LRRN2: variants seen among roughly 807,000 people sequenced by gnomAD.
The protein encoded by LRRN2 is leucine-rich repeat neuronal protein 2.
LRRN2 carries 10 observed loss-of-function variants against 35.7 expected under a neutral mutation model. The observed-to-expected ratio is 0.28, with a 90% CI of 0.17 to 0.47. The LOEUF is 0.47. LRRN2 is among the 20% of genes least tolerant of loss of function. The pLI is 0.99. For synonymous variants in LRRN2, 391 were observed against 409.6 expected (o/e 0.95, Z 0.55); for missense variants, 731 against 940.3 (o/e 0.78, Z 2.91).
At chr1:204,656,455 A>G (rs371625484) in intron 1 of LRRN2, among the ~76,000 whole-genome samples, 3 of 152,274 alleles carry the variant, frequency 2.0e-5, no homozygotes, top group South Asian at 4.2e-4. Context: ...TATTCTTAAC[A>G]ATTTGTCTCT....
intron 1 of LRRN2, among the ~76,000 whole-genome samples, chr1:204,674,888 G>A (rs1021880287): frequency 8.5e-5 from 13 of 152,218 alleles, no homozygotes; most frequent in South Asian, 2.1e-4. Flanking sequence ...TGCTCACGTC[G>A]CCTCTGCCCA....
rs77261811 is a variant in LRRN2 at position 204,633,750 on chromosome 1, C to T, written c.-226-13532G>A. ...ATCCCACATCACCCTCTCCAGTCCC[C>T]GCTGCCCAGCTCTCCTTCCACTTCC... On this transcript the variant is annotated intron_variant, in intron 1 of 1. Coordinates refer to ENST00000367177, the MANE Select transcript of LRRN2 (RefSeq NM_201630.2). Among the ~76,000 whole-genome samples, 1,088 of 152,326 alleles carry T rather than the reference C, an allele frequency of 7.1e-3. 15 individuals are homozygous for T. The highest frequency in any genetic ancestry group is 0.021 in the African/African-American group (859 of 41,556).
At chr1:204,623,218 C>T (rs1185886784) in intron 1 of LRRN2, among the ~76,000 whole-genome samples, 1 of 152,158 alleles carries the variant, frequency 6.6e-6, no homozygotes, top group Non-Finnish European at 1.5e-5. Context: ...ACCTTTAGAC[C>T]CTACCCGAGT....
At position 204,672,237 on chromosome 1, in the gene LRRN2, G is replaced by A. The variant is rs80336170; in HGVS notation, c.-227+13083C>T. Among the ~76,000 whole-genome samples the A allele has an allele frequency of 3.4e-4, 52 of 152,330 alleles. 1 individual carries two copies. Among genetic ancestry groups the A allele is most frequent in the Non-Finnish European group, 4.6e-4 (31 of 68,040 alleles). On this transcript the variant is annotated intron_variant, in intron 1 of 1. Transcript: ENST00000367177. ...GAAGAGGTAGTAGGTATAGCACAAA[G>A]CCAGAAGTTAGGAGCTTTCTGTCTA...
At chr1:204,663,625 C>T (rs1419869467) in intron 1 of LRRN2, among the ~76,000 whole-genome samples, 1 of 152,134 alleles carries the variant, frequency 6.6e-6, no homozygotes, top group African/African-American at 2.4e-5. Context: ...CTAATTAGAC[C>T]AGCAAATCAG....
intron 1 of LRRN2, among the ~76,000 whole-genome samples, chr1:204,637,126 C>T (rs1186350567): frequency 6.6e-6 from 1 of 152,108 alleles, no homozygotes; most frequent in Non-Finnish European, 1.5e-5. Context: ...ATTCCCTTTA[C>T]TGTGCGGTAT....
chr1:204,657,341 T>TACAC (rs34779515), intron 1 of LRRN2, among the ~76,000 whole-genome samples: 1,867 of 147,048 alleles, frequency 0.013, 39 homozygotes, highest in Admixed American at 0.037. Context: ...TATGTATATA[T>TACAC]ACACACACAC....
At chr1:204,638,965 G>C (rs1459562205) in intron 1 of LRRN2, among the ~76,000 whole-genome samples, 1 of 152,248 alleles carries the variant, frequency 6.6e-6, no homozygotes, top group Non-Finnish European at 1.5e-5. Flanking sequence ...CCTGCCCTGA[G>C]ATGGCCATCG....
At chr1:204,667,768 G>T (rs546620386) in intron 1 of LRRN2, among the ~76,000 whole-genome samples, 3 of 152,260 alleles carry the variant, frequency 2.0e-5, no homozygotes, top group African/African-American at 7.2e-5. Flanking sequence ...GGGCACCCAG[G>T]CAGAAGGAAC....
chr1:204,657,826 G>A (rs962721211), intron 1 of LRRN2, among the ~76,000 whole-genome samples: 4 of 152,088 alleles, frequency 2.6e-5, no homozygotes, highest in Admixed American at 2.6e-4. Flanking sequence ...ATAAATTGAG[G>A]TGGTGATGAT....
intron 1 of LRRN2, among the ~76,000 whole-genome samples, chr1:204,681,733 C>T (rs1490029844): frequency 4.6e-5 from 7 of 152,206 alleles, no homozygotes; most frequent in African/African-American, 1.7e-4. Context: ...AAATTTCAGC[C>T]TCTGAGCTGT....
chr1:204,662,696 T>C (rs1668496438), intron 1 of LRRN2, among the ~76,000 whole-genome samples: 1 of 152,240 alleles, frequency 6.6e-6, no homozygotes, highest in Admixed American at 6.5e-5. Context: ...AAAGAACAAC[T>C]TGTCCAAGGT....
chr1:204,654,555 T>G (rs1455506995), intron 1 of LRRN2, among the ~76,000 whole-genome samples: 1 of 152,188 alleles, frequency 6.6e-6, no homozygotes, highest in Non-Finnish European at 1.5e-5. Flanking sequence ...CTTGATCCTT[T>G]TTGCATCCCC....
At chr1:204,639,569 G>A (rs1667934382) in intron 1 of LRRN2, among the ~76,000 whole-genome samples, 1 of 152,226 alleles carries the variant, frequency 6.6e-6, no homozygotes, top group South Asian at 2.1e-4. Context: ...GAGCCCAGGA[G>A]GTGAGGCTAT....
chr1:204,654,033 CAAAAAA>C (rs56179230), intron 1 of LRRN2, among the ~76,000 whole-genome samples: 1 of 84,312 alleles, frequency 1.2e-5, no homozygotes. Context: ...GAGACCCTGA[CAAAAAA>C]AAAAAAAAAA....
chr1:204,657,236 C>T (rs549110380), intron 1 of LRRN2, among the ~76,000 whole-genome samples: 5 of 151,844 alleles, frequency 3.3e-5, no homozygotes, highest in South Asian at 4.2e-4. Flanking sequence ...ACCCGGGAGG[C>T]GGAGGTTGCA....
intron 1 of LRRN2, among the ~76,000 whole-genome samples, chr1:204,625,807 G>A (rs1051070354): frequency 2.0e-5 from 3 of 152,306 alleles, no homozygotes; most frequent in Admixed American, 2.0e-4. Flanking sequence ...GGGCTATAGC[G>A]TCTTAGAATC....
At chr1:204,641,087 TAAC>T (rs1451471492) in intron 1 of LRRN2, among the ~76,000 whole-genome samples, 3 of 151,158 alleles carry the variant, frequency 2.0e-5, no homozygotes, top group Admixed American at 6.6e-5. Context: ...GGATGCCTGA[TAAC>T]AAAAACTATC....
chr1:204,650,861 G>T (rs936421245), intron 1 of LRRN2, among the ~76,000 whole-genome samples: 4 of 152,178 alleles, frequency 2.6e-5, no homozygotes, highest in African/African-American at 9.7e-5. Flanking sequence ...TCAGAGAGTG[G>T]TAGGGGCTCG....
Sources: gnomAD v4.1 joint callset for allele counts (sites outside exome capture counted in the v4.1 genomes callset) on GRCh38, gnomAD v4.1.1 for gene constraint, MANE v1.5 for transcripts, NCBI Gene and HGNC (gene_info 2026-07-23, HGNC 2026-07-21) for gene names.